The following TMEM248 variants were observed in gnomAD, a reference collection of about 807,000 sequenced individuals.
TMEM248 encodes transmembrane protein 248.
A neutral mutation model predicts 30.3 loss-of-function variants in TMEM248; 9 were observed. The observed-to-expected ratio is 0.30, with a 90% confidence interval of 0.18 to 0.52. The LOEUF (loss-of-function observed/expected upper bound fraction) is 0.52. Among genes scored for constraint, TMEM248 ranks in the 20% least tolerant of loss-of-function variants. The pLI, the probability that TMEM248 is intolerant of heterozygous loss-of-function variation, is 0.97. For missense variants in TMEM248, 338 were observed against 403.3 expected, an observed-to-expected ratio of 0.84 and a Z score of 1.39; for synonymous variants, 184 against 154.4, an observed-to-expected ratio of 1.19 and a Z score of -1.42.
intron 1 of TMEM248, among the ~76,000 whole-genome samples, chr7:66,938,029 TC>T (rs1791850210): frequency 6.6e-6 from 1 of 152,158 alleles, no homozygotes; most frequent in East Asian, 1.9e-4. Flanking sequence ...CCCGGTTATT[TC>T]TTTATTTCCA....
intron 1 of TMEM248, among the ~76,000 whole-genome samples, chr7:66,937,136 A>G (rs1428136725): frequency 3.3e-5 from 5 of 152,066 alleles, no homozygotes; most frequent in Non-Finnish European, 7.4e-5. Flanking sequence ...TTGTTTCAAG[A>G]CACTTTTTAA....
intron 1 of TMEM248, among the ~76,000 whole-genome samples, chr7:66,941,469 A>T (rs1033233350): frequency 6.6e-6 from 1 of 151,422 alleles, no homozygotes; most frequent in Non-Finnish European, 1.5e-5. Context: ...GTGGGAGGAT[A>T]GCTTAAGCCT....
intron 1 of TMEM248, among the ~76,000 whole-genome samples, chr7:66,931,191 T>C (rs1791654787): frequency 6.6e-6 from 1 of 150,426 alleles, no homozygotes; most frequent in Non-Finnish European, 1.5e-5. Flanking sequence ...TAGTCTCAGC[T>C]ATTTGGGAGG....
In TMEM248 at chr7:66,955,719, G is replaced by T; in HGVS notation, c.*197G>T. 1 of 679,880 alleles carries T rather than the reference G, an allele frequency of 1.5e-6. No individual in the cohort carries two copies. The highest frequency in any genetic ancestry group is 2.1e-5 in the South Asian group (1 of 46,914). The allele number at this position is 679,880 out of a possible 1,614,324, so 42.1% of individuals were successfully genotyped here. ...TTCAGAAATTGGTCCAATAATGCAC[G>T]TGCTTTGCCCTGGGTACAGCCAGAG... On this transcript the variant is annotated 3_prime_UTR_variant, in exon 7 of 7. Transcript: ENST00000341567.
Position 66,941,952 on chromosome 7 carries a change from C to A in TMEM248, c.87C>A (p.Ala29=), listed in dbSNP as rs1163092674. ...TGGTCTTCATGATCAGCGTAAGCGC[C>A]ATGGCCATAGCTTTCCTGACCCTGG... ...PLVVFMISVS[A]MAIAFLTLGY... Residue 29 remains alanine, a synonymous_variant, in exon 2 of 7, where the codon GCC becomes GCA. Coordinates refer to ENST00000341567, the MANE Select transcript of TMEM248 (RefSeq NM_017994.5). 6.8e-6 allele frequency: 11 copies of A among 1,614,172 alleles called. No individual in the cohort carries two copies. In the South Asian group the frequency reaches 1.2e-4, roughly 18 times the overall value.
chr7:66,922,943 T>C (rs1176253521), intron 1 of TMEM248, among the ~76,000 whole-genome samples: 1 of 152,032 alleles, frequency 6.6e-6, no homozygotes, highest in Non-Finnish European at 1.5e-5. Flanking sequence ...TGACCTCAGG[T>C]GATCCATCCT....
At chr7:66,937,071 A>G (rs952859124) in intron 1 of TMEM248, among the ~76,000 whole-genome samples, 2 of 151,866 alleles carry the variant, frequency 1.3e-5, no homozygotes, top group African/African-American at 4.8e-5. Context: ...CTTTCCTCTT[A>G]GTATTGCTTT....
At chr7:66,926,812 A>C (rs1309751897) in intron 1 of TMEM248, among the ~76,000 whole-genome samples, 1 of 152,298 alleles carries the variant, frequency 6.6e-6, no homozygotes, top group South Asian at 2.1e-4. Context: ...AATCAAATAC[A>C]TTTGACAAGA....
At chr7:66,930,072 A>T (rs1327807266) in intron 1 of TMEM248, among the ~76,000 whole-genome samples, 1 of 152,134 alleles carries the variant, frequency 6.6e-6, no homozygotes, top group Non-Finnish European at 1.5e-5. Flanking sequence ...AGGTGGGAGG[A>T]TCGCTTGCGC....
At chr7:66,934,326 G>A (rs1009142234) in intron 1 of TMEM248, among the ~76,000 whole-genome samples, 2 of 152,084 alleles carry the variant, frequency 1.3e-5, no homozygotes, top group African/African-American at 4.8e-5. Context: ...TCAGACTCCT[G>A]AGTAGCTGGG....
At chr7:66,941,068 A>G (rs1382297705) in intron 1 of TMEM248, among the ~76,000 whole-genome samples, 11 of 152,050 alleles carry the variant, frequency 7.2e-5, no homozygotes, top group Non-Finnish European at 1.2e-4. Flanking sequence ...TGGGCAACAT[A>G]GCGAGACCCC....
chr7:66,941,713 T>C, intron 1 of TMEM248, 135 bp from the exon 2 acceptor site: 2 of 668,836 alleles, frequency 3.0e-6, no homozygotes, highest in Non-Finnish European at 5.0e-6. Context: ...GAAGTTATGA[T>C]CCGACATTTC....
At chr7:66,938,838 A>G (rs1480547800) in intron 1 of TMEM248, among the ~76,000 whole-genome samples, 3 of 152,252 alleles carry the variant, frequency 2.0e-5, no homozygotes, top group East Asian at 1.9e-4. Flanking sequence ...AAAAGATACC[A>G]TAAACCATAT....
At chr7:66,939,730 A>G (rs1374776033) in intron 1 of TMEM248, among the ~76,000 whole-genome samples, 2 of 152,148 alleles carry the variant, frequency 1.3e-5, no homozygotes, top group African/African-American at 4.8e-5. Context: ...CTCTTGGTTG[A>G]TGCTAAACAA....
intron 4 of TMEM248, among the ~76,000 whole-genome samples, chr7:66,950,686 C>T (rs2129225845): frequency 6.6e-6 from 1 of 152,256 alleles, no homozygotes; most frequent in East Asian, 1.9e-4. Flanking sequence ...GGACTGTAGG[C>T]TGAATTCTGA....
chr7:66,947,715 AATTTT>A (rs1313269210), intron 3 of TMEM248, among the ~76,000 whole-genome samples: 6 of 150,896 alleles, frequency 4.0e-5, no homozygotes, highest in African/African-American at 1.5e-4. Context: ...TTTTAATTTT[AATTTT>A]ATTTTAATAT....
chr7:66,946,330 C>T (rs1792106266), intron 3 of TMEM248, among the ~76,000 whole-genome samples: 1 of 152,108 alleles, frequency 6.6e-6, no homozygotes, highest in South Asian at 2.1e-4. Context: ...GTAATCCCAG[C>T]ACTTTGGGAG....
chr7:66,953,375 C>A lies in TMEM248; in HGVS notation c.924+6C>A, dbSNP rs371912101. On this transcript the variant is annotated splice_donor_region_variant and intron_variant, in intron 6 of 6. Coordinates refer to ENST00000341567, the MANE Select transcript of TMEM248 (RefSeq NM_017994.5). ...CTGAATTTTGTCCCGAGAAGGTGAGCGGTGGATGGGGTCCGGGCCAGCATT... is the reference window on the plus strand; with the variant it reads ...CTGAATTTTGTCCCGAGAAGGTGAGAGGTGGATGGGGTCCGGGCCAGCATT... 6.2e-7 allele frequency: 1 copy of A among 1,613,444 alleles called. No individual in the cohort carries two copies. Among genetic ancestry groups the A allele is most frequent in the South Asian group, 1.1e-5 (1 of 91,024 alleles).
At chr7:66,954,088 C>G (rs907964564) in intron 6 of TMEM248, among the ~76,000 whole-genome samples, 2 of 151,706 alleles carry the variant, frequency 1.3e-5, no homozygotes, top group African/African-American at 4.8e-5. Context: ...GGATTACAGG[C>G]ATGTGCCACC....
Sources: gnomAD v4.1 joint callset for allele counts (sites outside exome capture counted in the v4.1 genomes callset) on GRCh38, gnomAD v4.1.1 for gene constraint, MANE v1.5 for transcripts, NCBI Gene and HGNC (gene_info 2026-07-23, HGNC 2026-07-21) for gene names.